Variants in RGS6 observed in about 807,000 individuals in gnomAD.
RGS6 encodes regulator of G protein signaling 6.
Under a neutral mutation model 78.5 loss-of-function variants are expected in RGS6, and 30 were observed. The observed-to-expected ratio is 0.38, with a 90% CI of 0.29 to 0.52. RGS6 has a LOEUF of 0.52. Among genes scored for constraint, RGS6 ranks in the 20% least tolerant of loss-of-function variants. The pLI is 0.85. For missense variants in RGS6, 495 were observed against 609.7 expected, an observed-to-expected ratio of 0.81 and a Z score of 1.98; for synonymous variants, 206 against 206.0, an observed-to-expected ratio of 1.00 and a Z score of 0.00.
At chr14:72,027,049 A>G (rs575502107) in intron 2 of RGS6, among the ~76,000 whole-genome samples, 35 of 152,212 alleles carry the variant, frequency 2.3e-4, no homozygotes, top group African/African-American at 8.2e-4. Context: ...GTAGGAGAGG[A>G]TGCCTGCGTG....
At chr14:72,556,729 A>G (rs1426996365) in intron 17 of RGS6, among the ~76,000 whole-genome samples, 1 of 150,910 alleles carries the variant, frequency 6.6e-6, no homozygotes, top group African/African-American at 2.4e-5. Context: ...AAAATCCATT[A>G]CGTTTATTTT....
intron 16 of RGS6, among the ~76,000 whole-genome samples, chr14:72,539,277 T>C (rs2097289958): frequency 6.6e-6 from 1 of 152,154 alleles, no homozygotes; most frequent in Non-Finnish European, 1.5e-5. Context: ...TTTCTGAGCT[T>C]CCTCTAGCCT....
At chr14:72,177,391 G>T (rs1233294374) in intron 2 of RGS6, among the ~76,000 whole-genome samples, 1 of 152,198 alleles carries the variant, frequency 6.6e-6, no homozygotes, top group Non-Finnish European at 1.5e-5. Flanking sequence ...TGTGAGCAGG[G>T]TAAGTAGATG....
At chr14:72,531,431 C>CAA (rs58751762) in intron 15 of RGS6, among the ~76,000 whole-genome samples, 984 of 66,322 alleles carry the variant, frequency 0.015, 12 homozygotes, top group African/African-American at 0.044. Context: ...GACTTTATCT[C>CAA]AAAAAAAAAA....
intron 2 of RGS6, among the ~76,000 whole-genome samples, chr14:72,118,997 GT>G (rs1478380626): frequency 6.6e-6 from 1 of 152,078 alleles, no homozygotes; most frequent in Admixed American, 6.6e-5. Context: ...TTCAGTGCAT[GT>G]TTTTTTGGAT....
At chr14:72,107,176 A>G (rs1219544880) in intron 2 of RGS6, among the ~76,000 whole-genome samples, 1 of 151,750 alleles carries the variant, frequency 6.6e-6, no homozygotes, top group Admixed American at 6.6e-5. Context: ...CCTTTTATTT[A>G]CCTAATTTTC....
At chr14:72,373,331 T>G (rs1259139396) in intron 3 of RGS6, among the ~76,000 whole-genome samples, 2 of 152,196 alleles carry the variant, frequency 1.3e-5, no homozygotes, top group Non-Finnish European at 2.9e-5. Flanking sequence ...GACTAGGACT[T>G]CTGTTTTGTT....
the RGS6 span, among the ~76,000 whole-genome samples, chr14:71,927,353 C>G: frequency 6.6e-6 from 1 of 152,148 alleles, no homozygotes; most frequent in Non-Finnish European, 1.5e-5. Context: ...GATATAAACA[C>G]ATTCATTCTC....
intron 13 of RGS6, 66 bp downstream of exon 13, chr14:72,495,328 TA>T: frequency 1.0e-6 from 1 of 990,730 alleles, no homozygotes; most frequent in South Asian, 1.3e-5. Flanking sequence ...ATCATGAGAT[TA>T]CCTTATATTC....
intron 2 of RGS6, among the ~76,000 whole-genome samples, chr14:72,021,648 T>C (rs1047780304): frequency 6.6e-6 from 1 of 151,808 alleles, no homozygotes; most frequent in African/African-American, 2.4e-5. Context: ...TTTTTTTGTA[T>C]TTTTATAGAG....
chr14:72,453,615 C>CAAAAAAAAAAAAAAA (rs60280790), intron 3 of RGS6, among the ~76,000 whole-genome samples: 3 of 52,062 alleles, frequency 5.8e-5, no homozygotes, highest in African/African-American at 2.0e-4. Context: ...GACTCCGTCT[C>CAAAAAAAAAAAAAAA]AAAAAAAAAA....
chr14:72,549,252 T>TG (rs889265579), intron 17 of RGS6, among the ~76,000 whole-genome samples: 1 of 151,970 alleles, frequency 6.6e-6, no homozygotes, highest in East Asian at 1.9e-4. Context: ...TTTTGTTTTT[T>TG]TTTTTGGCAT....
At chr14:72,364,566 A>C (rs2082114217) in intron 3 of RGS6, among the ~76,000 whole-genome samples, 1 of 152,248 alleles carries the variant, frequency 6.6e-6, no homozygotes. Flanking sequence ...CAACAGCAAC[A>C]GCTGGGGGAA....
At chr14:72,358,433 C>T (rs2080816861) in intron 3 of RGS6, among the ~76,000 whole-genome samples, 1 of 152,236 alleles carries the variant, frequency 6.6e-6, no homozygotes, top group African/African-American at 2.4e-5. Context: ...GAGGCTGTAC[C>T]CTGCAAAGCT....
intron 3 of RGS6, among the ~76,000 whole-genome samples, chr14:72,395,626 G>A (rs911309086): frequency 4.3e-4 from 66 of 152,004 alleles, no homozygotes; most frequent in African/African-American, 1.6e-3. Flanking sequence ...TTGGTGTGCT[G>A]CACCCATTAA....
intron 12 of RGS6, among the ~76,000 whole-genome samples, chr14:72,479,453 G>A (rs180816874): frequency 6.6e-6 from 1 of 152,296 alleles, no homozygotes; most frequent in African/African-American, 2.4e-5. Context: ...CCCCATTAGA[G>A]GCCAGTAGTC....
the RGS6 span, among the ~76,000 whole-genome samples, chr14:71,873,185 T>C: frequency 1.3e-5 from 2 of 152,212 alleles, no homozygotes; most frequent in East Asian, 3.8e-4. Context: ...TCAAATGGTA[T>C]TTCTAGTTCT....
chr14:72,519,429 T>G (rs2096999455), intron 15 of RGS6, among the ~76,000 whole-genome samples: 1 of 152,198 alleles, frequency 6.6e-6, no homozygotes, highest in Non-Finnish European at 1.5e-5. Context: ...AGTAGAGAAT[T>G]TGGGTGGTTT....
At chr14:72,472,224 CA>C (rs2096101501) in intron 8 of RGS6, among the ~76,000 whole-genome samples, 1 of 151,430 alleles carries the variant, frequency 6.6e-6, no homozygotes, top group African/African-American at 2.4e-5. Context: ...TGCTGCAGAT[CA>C]GAACAATAAG....
Sources: gnomAD v4.1 joint callset for allele counts (sites outside exome capture counted in the v4.1 genomes callset) on GRCh38, gnomAD v4.1.1 for gene constraint, MANE v1.5 for transcripts, NCBI Gene and HGNC (gene_info 2026-07-23, HGNC 2026-07-21) for gene names.